STX5: variants seen among roughly 807,000 people sequenced by gnomAD.
STX5 encodes the protein syntaxin-5.
In STX5, 15 loss-of-function variants were observed where a neutral mutation model predicts 42.9. The ratio of observed to expected loss-of-function variants is 0.35; its 90% CI spans 0.23 to 0.54. The LOEUF (loss-of-function observed/expected upper bound fraction) is 0.54. STX5 is among the 20% of genes least tolerant of loss of function. STX5 has a pLI of 0.91. For missense variants in STX5, 430 were observed against 455.0 expected (o/e 0.95, Z 0.50); for synonymous variants, 184 against 173.2 (o/e 1.06, Z -0.49).
At position 62,824,236 on chromosome 11, in the gene STX5, T is replaced by G. The variant is rs746728730; in HGVS notation, c.838A>C (p.Ile280Leu). 1 of 1,614,174 alleles carries G rather than the reference T, an allele frequency of 6.2e-7. No individual in the cohort carries two copies. Among genetic ancestry groups the G allele is most frequent in the Non-Finnish European group, 8.5e-7 (1 of 1,180,032 alleles). The change falls in exon 10 of 11, where the codon ATT (isoleucine) becomes CTT (leucine). Residue 280 changes from isoleucine (I) to leucine (L), a missense_variant. Ile to Leu is a conservative substitution (Grantham distance 5). Transcript: ENST00000294179. Reference protein sequence around the residue: ...ADTMQNIESTIVELGSIFQQL... With the variant: ...ADTMQNIESTLVELGSIFQQL... ...TGAAAGATGGAGCCCAACTCAACAATTGTCGACTCAATGTTCTGCATGGTG... is the reference window on the plus strand; with the variant it reads ...TGAAAGATGGAGCCCAACTCAACAAGTGTCGACTCAATGTTCTGCATGGTG...
chr11:62,810,103 CAAA>C (rs11405544), intron 10 of STX5, among the ~76,000 whole-genome samples: 7 of 97,610 alleles, frequency 7.2e-5, no homozygotes, highest in Non-Finnish European at 1.0e-4. Context: ...GACTCCATCT[CAAA>C]AAAAAAAAAA....
At chr11:62,831,370 T>C (rs1312814275) in intron 1 of STX5, 108 bp from the exon 2 acceptor site, 2 of 849,692 alleles carry the variant, frequency 2.4e-6, no homozygotes, top group African/African-American at 1.7e-5. Context: ...TCTCGTGGAC[T>C]TTCGCGCCCA....
In STX5 at chr11:62,807,319, G is replaced by C. The variant is rs182934842; in HGVS notation, c.*150C>G. 54 of 1,259,002 alleles carry C rather than the reference G, an allele frequency of 4.3e-5. No homozygotes were observed. Among genetic ancestry groups the C allele is most frequent in the Non-Finnish European group, 5.6e-5 (52 of 933,220 alleles). 78.0% of individuals were successfully genotyped at this position (1,259,002 alleles called of 1,614,324 possible). A position where few individuals can be genotyped will look rare whatever the true frequency, so the allele number is the denominator to read the frequency against. On this transcript the variant is annotated 3_prime_UTR_variant, in exon 11 of 11. Coordinates refer to ENST00000294179, the MANE Select transcript of STX5 (RefSeq NM_003164.5). Reference sequence around the variant, plus strand: ...GACAGGGTGGCCAGAGGCAAGGGGTGGGGGATCAGGGGCAGTGGTCATTCT... The same window carrying C: ...GACAGGGTGGCCAGAGGCAAGGGGTCGGGGATCAGGGGCAGTGGTCATTCT...
intron 5 of STX5, among the ~76,000 whole-genome samples, chr11:62,826,245 C>T (rs1162753809): frequency 1.4e-5 from 2 of 147,018 alleles, no homozygotes; most frequent in Non-Finnish European, 3.0e-5. Flanking sequence ...CAGAGTGAGA[C>T]TCCGTCTTAA....
intron 10 of STX5, among the ~76,000 whole-genome samples, chr11:62,816,715 C>T (rs1413512151): frequency 3.7e-5 from 5 of 136,676 alleles, no homozygotes; most frequent in Non-Finnish European, 7.8e-5. Context: ...TGAAACCCGC[C>T]TTTACTGAAA....
intron 10 of STX5, among the ~76,000 whole-genome samples, chr11:62,815,102 G>A (rs1385497239): frequency 6.6e-6 from 1 of 151,652 alleles, no homozygotes; most frequent in African/African-American, 2.4e-5. Context: ...ACACCTCCCA[G>A]GTTCAAGCGA....
chr11:62,830,451 G>A (rs2084843965), intron 2 of STX5: 15 of 444,738 alleles, frequency 3.4e-5, no homozygotes, highest in South Asian at 2.2e-4. Context: ...GGAGGCTGAG[G>A]AAAGAGGATC....
In STX5 at chr11:62,830,644, A is replaced by G. The variant is rs1434259080; in HGVS notation, c.225+375T>C. ...TGTAACTAGATTAACTAATTTTCTCATGGTTACAGAGCAAACTTATGGTAG... is the reference window on the plus strand; with the variant it reads ...TGTAACTAGATTAACTAATTTTCTCGTGGTTACAGAGCAAACTTATGGTAG... On this transcript the variant is annotated intron_variant, in intron 2 of 10. Coordinates refer to ENST00000294179, the MANE Select transcript of STX5 (RefSeq NM_003164.5). The G allele has an allele frequency of 2.8e-5, 13 of 471,366 alleles. No homozygotes were observed. In the East Asian group the frequency reaches 6.0e-4, roughly 22 times the overall value. 29.2% of individuals were successfully genotyped at this position (471,366 alleles called of 1,614,324 possible).
Position 62,807,202 on chromosome 11 carries a change from C to G in STX5, c.*267G>C. The G allele has an allele frequency of 3.1e-6, 1 of 318,470 alleles. No individual in the cohort carries two copies. The highest frequency in any genetic ancestry group is 5.3e-5 in the East Asian group (1 of 18,852). The allele number at this position is 318,470 out of a possible 1,614,324, so 19.7% of individuals were successfully genotyped here. The stretch of plus-strand genomic sequence containing the variant: ...TGGAAACAACCTCCCCCACTGGCCC[C>G]CAGCTGGCCTCTGCTCCCTTCCAGT... On this transcript the variant is annotated 3_prime_UTR_variant, in exon 11 of 11. Coordinates refer to ENST00000294179, the MANE Select transcript of STX5 (RefSeq NM_003164.5).
intron 10 of STX5, among the ~76,000 whole-genome samples, chr11:62,812,057 G>A (rs1302887973): frequency 6.7e-6 from 1 of 149,308 alleles, no homozygotes; most frequent in Non-Finnish European, 1.5e-5. Context: ...ATGGATTGAG[G>A]AAAGAACTCA....
chr11:62,824,429 C>G, intron 9 of STX5, 30 bp downstream of exon 9: 1 of 1,613,948 alleles, frequency 6.2e-7, no homozygotes, highest in South Asian at 1.1e-5. Context: ...AATGGAGAAG[C>G]TGATTCTACC....
chr11:62,830,430 C>T (rs529626179), intron 2 of STX5: 3 of 426,970 alleles, frequency 7.0e-6, no homozygotes, highest in Non-Finnish European at 1.4e-5. Context: ...CCATGTAGTC[C>T]CAGCTGCTCA....
At chr11:62,814,303 T>G (rs1323748520) in intron 10 of STX5, among the ~76,000 whole-genome samples, 1 of 152,052 alleles carries the variant, frequency 6.6e-6, no homozygotes, top group Non-Finnish European at 1.5e-5. Context: ...GTAGCTAGCA[T>G]TACAGGCATG....
At chr11:62,823,680 G>A (rs1440213608) in intron 10 of STX5, among the ~76,000 whole-genome samples, 10 of 152,128 alleles carry the variant, frequency 6.6e-5, no homozygotes. Flanking sequence ...CGAGTAGCTG[G>A]GACTACAGGC....
Position 62,831,796 on chromosome 11 carries a change from T to C in STX5, c.-20+158A>G, listed in dbSNP as rs2134868897. The stretch of plus-strand genomic sequence containing the variant: ...CCGACGTCTCTCTCAACAGAGGCTT[T>C]CCTGATTGGACGGCAAGGAATTCGC... On this transcript the variant is annotated intron_variant, in intron 1 of 10. Coordinates refer to ENST00000294179, the MANE Select transcript of STX5 (RefSeq NM_003164.5). 2.7e-5 allele frequency among the ~76,000 whole-genome samples: 4 copies of C among 149,380 alleles called. 1 individual carries two copies. The highest frequency in any genetic ancestry group is 7.1e-3 in the Middle Eastern group (2 of 280).
intron 10 of STX5, among the ~76,000 whole-genome samples, chr11:62,808,217 C>T (rs994340286): frequency 6.6e-6 from 1 of 151,064 alleles, no homozygotes; most frequent in Non-Finnish European, 1.5e-5. Context: ...CTTGAGCTCA[C>T]GAGTTTGAGA....
chr11:62,827,260 G>T (rs1416253309), intron 4 of STX5, 35 bp from the exon 5 acceptor site: 37 of 1,613,984 alleles, frequency 2.3e-5, no homozygotes, highest in Non-Finnish European at 3.1e-5. Context: ...AATGGGTGAG[G>T]TCAAGGACAA....
At chr11:62,819,865 T>A (rs550348844) in intron 10 of STX5, among the ~76,000 whole-genome samples, 248 of 151,814 alleles carry the variant, frequency 1.6e-3, no homozygotes, top group African/African-American at 5.6e-3. Context: ...AGCTATTTTT[T>A]TTTTTTTTGT....
chr11:62,823,022 C>A (rs1226923803), intron 10 of STX5, among the ~76,000 whole-genome samples: 1 of 152,130 alleles, frequency 6.6e-6, no homozygotes, highest in East Asian at 1.9e-4. Flanking sequence ...TGAGACTGTC[C>A]CATCACAAGG....
Sources: allele counts gnomAD v4.1 joint callset (sites outside exome capture counted in the v4.1 genomes callset), GRCh38; gene constraint gnomAD v4.1.1; transcripts MANE v1.5; gene names NCBI Gene and HGNC (gene_info 2026-07-23, HGNC 2026-07-21).